INSYN2A: variants seen among roughly 807,000 people sequenced by gnomAD.
INSYN2A encodes the protein family with sequence similarity 196 member A.
A neutral mutation model predicts 39.4 loss-of-function variants in INSYN2A; 17 were observed. That is an observed-to-expected ratio of 0.43 (90% CI 0.30 to 0.65). The LOEUF is 0.65. Among genes scored for constraint, INSYN2A ranks in the 30% least tolerant of loss-of-function variants. The pLI, the probability that INSYN2A is intolerant of heterozygous loss-of-function variation, is 0.14. For missense variants in INSYN2A, 595 were observed against 631.2 expected (o/e 0.94, Z 0.61); for synonymous variants, 255 against 265.7 (o/e 0.96, Z 0.39).
At chr10:127,177,997 G>C (rs1454905232) in intron 2 of INSYN2A, among the ~76,000 whole-genome samples, 2 of 152,160 alleles carry the variant, frequency 1.3e-5, no homozygotes, top group Non-Finnish European at 2.9e-5. Flanking sequence ...CATAGACCCA[G>C]CTGTCCAACA....
At chr10:127,163,346 C>T (rs538608738) in intron 4 of INSYN2A, among the ~76,000 whole-genome samples, 34 of 152,134 alleles carry the variant, frequency 2.2e-4, no homozygotes, top group African/African-American at 7.2e-4. Flanking sequence ...CCACATTTAT[C>T]GCCATGGAGT....
At position 127,192,701 on chromosome 10, in the gene INSYN2A, T is replaced by A. The variant is rs1166125384; in HGVS notation, c.-365A>T. 6.6e-6 allele frequency: 1 copy of A among 152,214 alleles called. No individual in the cohort carries two copies. Among genetic ancestry groups the A allele is most frequent in the East Asian group, 1.9e-4 (1 of 5,182 alleles). 9.4% of individuals were successfully genotyped at this position (152,214 alleles called of 1,614,324 possible). The stretch of plus-strand genomic sequence containing the variant: ...GTGAGAGGTAAGATCCTTGGTTGCC[T>A]GGAGATACCTTAGTTAGTGCCTTCA... On this transcript the variant is annotated 5_prime_UTR_variant, in exon 2 of 6. Transcript: ENST00000522781.
chr10:127,195,260 G>A (rs1189684668), intron 1 of INSYN2A, among the ~76,000 whole-genome samples: 1 of 152,096 alleles, frequency 6.6e-6, no homozygotes, highest in Non-Finnish European at 1.5e-5. Flanking sequence ...GGCTGCCCGC[G>A]GGCTCCCTCC....
At chr10:127,147,289 T>C (rs60629047) in intron 5 of INSYN2A, among the ~76,000 whole-genome samples, 15,015 of 151,934 alleles carry the variant, frequency 0.099, 2,131 homozygotes, top group African/African-American at 0.32. Context: ...TCCTTGGGGG[T>C]GCCCTGGCTG....
Position 127,175,600 on chromosome 10 carries a change from G to A in INSYN2A, c.796C>T (p.Pro266Ser), listed in dbSNP as rs1233262668. 8.1e-6 allele frequency: 13 copies of A among 1,612,530 alleles called. No individual in the cohort carries two copies. The highest frequency in any genetic ancestry group is 1.1e-5 in the Non-Finnish European group (13 of 1,179,920). The part of the protein sequence containing the change: ...VYAPALSARA[P>S]EPGLSDSAAA... ...GCAGAGTCTGACAAACCAGGCTCGG[G>A]GGCCCTGGCACTGAGGGCAGGTGCG... The change falls in exon 4 of 6, where the codon CCC becomes TCC. Residue 266 changes from proline (P) to serine (S), a missense_variant. Physicochemically the swap from Pro to Ser is moderately conservative, Grantham distance 74. Coordinates refer to ENST00000522781, the MANE Select transcript of INSYN2A (RefSeq NM_001039762.3). The surrounding 1 kb of genome is among the most constrained non-coding windows in gnomAD (Gnocchi z 6.3).
chr10:127,179,004 T>C (rs1161051760), intron 2 of INSYN2A, among the ~76,000 whole-genome samples: 1 of 152,212 alleles, frequency 6.6e-6, no homozygotes, highest in Non-Finnish European at 1.5e-5. Context: ...TATGTCAGAA[T>C]GTATTGTGCC....
At chr10:127,163,395 C>T (rs971342528) in intron 4 of INSYN2A, among the ~76,000 whole-genome samples, 9 of 152,112 alleles carry the variant, frequency 5.9e-5, no homozygotes, top group Non-Finnish European at 8.8e-5. Context: ...CCCTGTCTCC[C>T]TCCACGAGAA....
At chr10:127,192,489 T>C (rs2056827012) in intron 2 of INSYN2A, 116 bp downstream of exon 2, 1 of 152,238 alleles carries the variant, frequency 6.6e-6, no homozygotes, top group African/African-American at 2.4e-5. Flanking sequence ...CAGGTAGTGA[T>C]TTGTCATCTG....
intron 4 of INSYN2A, among the ~76,000 whole-genome samples, chr10:127,157,829 A>T (rs2053229199): frequency 6.6e-6 from 1 of 152,218 alleles, no homozygotes; most frequent in Non-Finnish European, 1.5e-5. Context: ...AGTTGTTTGG[A>T]GTCCATGAAT....
chr10:127,180,141 A>G (rs2055589171), intron 2 of INSYN2A, among the ~76,000 whole-genome samples: 2 of 152,204 alleles, frequency 1.3e-5, no homozygotes, highest in African/African-American at 4.8e-5. Flanking sequence ...GAAAACATCA[A>G]ACAACTGAAA....
chr10:127,155,380 G>A (rs766597134), intron 4 of INSYN2A, among the ~76,000 whole-genome samples: 2 of 152,066 alleles, frequency 1.3e-5, no homozygotes, highest in Non-Finnish European at 2.9e-5. Context: ...ACCATATTCT[G>A]CTCCAAAGTG....
Position 127,175,038 on chromosome 10 carries a change from G to A in INSYN2A, c.1184+174C>T, listed in dbSNP as rs1316087296. On this transcript the variant is annotated intron_variant, in intron 4 of 5. Transcript: ENST00000522781. This position sits in a 1 kb window ranked among gnomAD's most constrained non-coding sequence, Gnocchi z 6.3. ...AGCGTATCGTGCAGGATGCAGTGAC[G>A]TCTAGTATCATAAAATAATCTGCGA... Among the ~76,000 whole-genome samples the A allele has an allele frequency of 3.3e-5, 5 of 152,184 alleles. No homozygotes were observed. The highest frequency in any genetic ancestry group is 2.1e-4 in the South Asian group (1 of 4,830).
intron 4 of INSYN2A, among the ~76,000 whole-genome samples, chr10:127,171,951 C>T (rs1030757368): frequency 3.9e-5 from 6 of 152,190 alleles, no homozygotes; most frequent in African/African-American, 1.4e-4. Flanking sequence ...GTGATCCACT[C>T]GCCTTGGCCT....
At chr10:127,186,122 G>GA (rs900212376) in intron 2 of INSYN2A, among the ~76,000 whole-genome samples, 13 of 152,206 alleles carry the variant, frequency 8.5e-5, no homozygotes, top group African/African-American at 2.4e-4. Flanking sequence ...CTTTCAGAGG[G>GA]AAAAAAACAA....
In INSYN2A at chr10:127,175,410, G is replaced by A. The variant is rs767609478; in HGVS notation, c.986C>T (p.Pro329Leu). 12 of 1,613,362 alleles carry A rather than the reference G, an allele frequency of 7.4e-6. No individual in the cohort carries two copies. The East Asian group carries it at 8.9e-5, about 12-fold the overall frequency. Residue 329 changes from proline to leucine, a missense_variant, in exon 4 of 6, where the codon CCG (proline) becomes CTG (leucine). By Grantham distance (98) the Pro-to-Leu change is moderately conservative. Coordinates refer to ENST00000522781, the MANE Select transcript of INSYN2A (RefSeq NM_001039762.3). The surrounding 1 kb of genome is among the most constrained non-coding windows in gnomAD (Gnocchi z 6.3). ...SEQPSQTHTP[P>L]GLGNQPSPTA... ...GGGACTAGGCTGGTTCCCCAGCCCCGGCGGGGTGTGAGTCTGCGACGGCTG... is the reference window on the plus strand; with the variant it reads ...GGGACTAGGCTGGTTCCCCAGCCCCAGCGGGGTGTGAGTCTGCGACGGCTG...
chr10:127,191,882 C>G (rs1216588120), intron 2 of INSYN2A, among the ~76,000 whole-genome samples: 6 of 152,184 alleles, frequency 3.9e-5, no homozygotes, highest in Admixed American at 3.3e-4. Context: ...GTGAGAGCAA[C>G]TTTTATTTGC....
intron 5 of INSYN2A, 95 bp from the exon 6 acceptor site, chr10:127,138,115 G>T: frequency 1.0e-5 from 11 of 1,066,180 alleles, no homozygotes; most frequent in Non-Finnish European, 1.5e-5. Flanking sequence ...ATCAGTGTGT[G>T]TTTGTAATGT....
intron 5 of INSYN2A, among the ~76,000 whole-genome samples, chr10:127,146,407 A>G (rs1451856617): frequency 6.6e-6 from 1 of 152,214 alleles, no homozygotes; most frequent in Admixed American, 6.5e-5. Context: ...ATCCGTACAT[A>G]TTCGAGGGAC....
intron 2 of INSYN2A, among the ~76,000 whole-genome samples, chr10:127,182,319 A>G (rs2055816124): frequency 6.6e-6 from 1 of 152,152 alleles, no homozygotes; most frequent in Non-Finnish European, 1.5e-5. Context: ...AAAAAAACCT[A>G]TGGTCAGTTG....
Sources: allele counts gnomAD v4.1 joint callset (sites outside exome capture counted in the v4.1 genomes callset), GRCh38; gene constraint gnomAD v4.1.1; non-coding constraint Gnocchi (gnomAD v3.1); transcripts MANE v1.5; gene names NCBI Gene and HGNC (gene_info 2026-07-23, HGNC 2026-07-21).